CALN1: variants seen among roughly 807,000 people sequenced by gnomAD.
CALN1 encodes the protein calneuron 1, also known as calcium-binding protein 8.
A neutral mutation model predicts 30.6 loss-of-function variants in CALN1; 17 were observed. The observed-to-expected ratio is 0.56, with a 90% CI of 0.38 to 0.83. CALN1 has a LOEUF of 0.83. Among genes scored for constraint, CALN1 ranks in the 40% least tolerant of loss-of-function variants. The probability of loss-of-function intolerance (pLI) is 0.00; values close to 1 mark genes in which losing one functional copy is unlikely to be tolerated. For missense variants in CALN1, 291 were observed against 354.9 expected, an observed-to-expected ratio of 0.82 and a Z score of 1.45; for synonymous variants, 156 against 131.4, an observed-to-expected ratio of 1.19 and a Z score of -1.28.
rs73355321 is a variant in CALN1 at position 72,150,921 on chromosome 7, T to G, written c.245-44627A>C. On this transcript the variant is annotated intron_variant, in intron 3 of 6. Coordinates refer to ENST00000395275, the MANE Select transcript of CALN1 (RefSeq NM_031468.4). ...GATGATGATGGTGACGATGACACTG[T>G]TGTCATGAGCCTGCATCATGAGGCT... is the stretch of plus-strand genomic sequence containing the variant. 3.9e-3 allele frequency among the ~76,000 whole-genome samples: 537 copies of G among 138,784 alleles called. 7 individuals are homozygous for G. Among genetic ancestry groups the G allele is most frequent in the African/African-American group, 0.013 (510 of 39,270 alleles). 91.0% of individuals were successfully genotyped at this position (138,784 alleles called of 152,430 possible). A position where few individuals can be genotyped will look rare whatever the true frequency, so the allele number is the denominator to read the frequency against.
At chr7:71,970,690 G>A (rs956034850) in intron 5 of CALN1, among the ~76,000 whole-genome samples, 3 of 151,576 alleles carry the variant, frequency 2.0e-5, no homozygotes, top group African/African-American at 2.4e-5. Flanking sequence ...CTTCGTCCCC[G>A]CGCTTTAACA....
intron 3 of CALN1, among the ~76,000 whole-genome samples, chr7:72,149,789 G>A (rs1787077139): frequency 6.6e-6 from 1 of 152,022 alleles, no homozygotes; most frequent in African/African-American, 2.4e-5. Flanking sequence ...GGGCAGAAAG[G>A]ACCTGGTCAC....
intron 6 of CALN1, among the ~76,000 whole-genome samples, chr7:71,799,002 G>C (rs1199963060): frequency 6.6e-6 from 1 of 152,058 alleles, no homozygotes; most frequent in Non-Finnish European, 1.5e-5. Context: ...CAACAGCAAG[G>C]CTCCCACCCC....
chr7:72,283,731 T>C (rs1797886176), intron 2 of CALN1, among the ~76,000 whole-genome samples: 1 of 152,166 alleles, frequency 6.6e-6, no homozygotes, highest in African/African-American at 2.4e-5. Flanking sequence ...AGGGCAAGCT[T>C]CAGGGAGAGG....
chr7:72,391,845 C>A (rs1317164373), intron 2 of CALN1, among the ~76,000 whole-genome samples: 1 of 152,122 alleles, frequency 6.6e-6, no homozygotes, highest in Non-Finnish European at 1.5e-5. Flanking sequence ...GTATAAATTA[C>A]CCAGTCTCAG....
chr7:72,398,070 A>T (rs1403849679), intron 2 of CALN1, among the ~76,000 whole-genome samples: 5 of 152,162 alleles, frequency 3.3e-5, no homozygotes, highest in Non-Finnish European at 5.9e-5. Flanking sequence ...GCCATGATGG[A>T]AGCCCTTGGA....
At chr7:72,312,451 G>T (rs1019622717) in intron 2 of CALN1, among the ~76,000 whole-genome samples, 1 of 148,296 alleles carries the variant, frequency 6.7e-6, no homozygotes, top group South Asian at 2.1e-4. Flanking sequence ...GGATTTTGTT[G>T]TTCACCCCAT....
chr7:72,181,108 C>T (rs1279705582), intron 3 of CALN1, among the ~76,000 whole-genome samples: 5 of 112,548 alleles, frequency 4.4e-5, no homozygotes, highest in African/African-American at 1.7e-4. Flanking sequence ...CCCCCCCCCC[C>T]CCAAAAAAAA....
At chr7:71,878,677 T>C (rs1301334818) in intron 5 of CALN1, among the ~76,000 whole-genome samples, 1 of 152,098 alleles carries the variant, frequency 6.6e-6, no homozygotes, top group Non-Finnish European at 1.5e-5. Context: ...GGGAGGTCCT[T>C]GAAAACACAA....
chr7:71,833,750 C>T (rs564181462), intron 5 of CALN1, among the ~76,000 whole-genome samples: 54 of 151,898 alleles, frequency 3.6e-4, no homozygotes, highest in African/African-American at 1.3e-3. Flanking sequence ...ACCCCTGTGC[C>T]CCTCTAAAAA....
intron 5 of CALN1, among the ~76,000 whole-genome samples, chr7:72,003,458 G>C (rs556089909): frequency 4.6e-5 from 7 of 152,320 alleles, no homozygotes; most frequent in South Asian, 4.1e-4. Context: ...GCACAGCAGA[G>C]GGAGAACGGC....
At chr7:72,152,572 C>T (rs116794676) in intron 3 of CALN1, among the ~76,000 whole-genome samples, 271 of 152,204 alleles carry the variant, frequency 1.8e-3, no homozygotes, top group African/African-American at 5.9e-3. Context: ...ACAAGCCCAG[C>T]AATAGGAACA....
chr7:72,357,412 G>A (rs570322564), intron 2 of CALN1, among the ~76,000 whole-genome samples: 1 of 151,944 alleles, frequency 6.6e-6, no homozygotes, highest in South Asian at 2.1e-4. Flanking sequence ...GCTTTTTTAT[G>A]GTGAAACAAA....
At chr7:72,432,920 T>C (rs962002297) in intron 1 of CALN1, among the ~76,000 whole-genome samples, 1 of 152,180 alleles carries the variant, frequency 6.6e-6, no homozygotes, top group Non-Finnish European at 1.5e-5. Flanking sequence ...TACATATTCA[T>C]GTAATCGTGT....
intron 2 of CALN1, among the ~76,000 whole-genome samples, chr7:72,351,072 T>C (rs565245634): frequency 1.2e-4 from 18 of 151,642 alleles, no homozygotes; most frequent in East Asian, 3.9e-4. Context: ...ACCCGGGAGG[T>C]GGAGGTTGCA....
In CALN1 at chr7:72,271,575, A is replaced by AAAAAAT; in HGVS notation, c.244+7110_244+7111insATTTTT. On this transcript the variant is annotated intron_variant, in intron 3 of 6. Coordinates refer to ENST00000395275, the MANE Select transcript of CALN1 (RefSeq NM_031468.4). ...CTGTGCCTGCCTTTTAAAAAAAAAA[A>AAAAAAT]ATATATATATATATATATAGTTTTC... Among the ~76,000 whole-genome samples, 25 of 52,108 alleles carry AAAAAAT rather than the reference A, an allele frequency of 4.8e-4. No homozygotes were observed. In the South Asian group the frequency reaches 0.013, roughly 27 times the overall value. The allele number at this position is 52,108 out of a possible 152,430, so 34.2% of individuals were successfully genotyped here.
chr7:72,449,585 C>T (rs948017163), upstream of CALN1, among the ~76,000 whole-genome samples: 1 of 152,016 alleles, frequency 6.6e-6, no homozygotes, highest in Non-Finnish European at 1.5e-5. Context: ...AAAGAATCTG[C>T]CGTCAGGCTG....
At chr7:72,498,094 G>GTTAT in the CALN1 span, among the ~76,000 whole-genome samples, 1 of 152,058 alleles carries the variant, frequency 6.6e-6, no homozygotes, top group African/African-American at 2.4e-5. Flanking sequence ...GGAAAGAAAG[G>GTTAT]TTATTGATTT....
In CALN1 at chr7:72,109,277, C is replaced by T. The variant is rs528560488; in HGVS notation, c.245-2983G>A. ...CCAGGACCCTAGGCTCCCAGCCAGG[C>T]GTATTAGCTAATTAGGTCCACGGCC... On this transcript the variant is annotated intron_variant, in intron 3 of 6. Transcript: ENST00000395275. Among the ~76,000 whole-genome samples, 31 of 152,254 alleles carry T rather than the reference C, an allele frequency of 2.0e-4. No individual in the cohort carries two copies. The South Asian group carries it at 3.9e-3, about 19-fold the overall frequency.
Sources: allele counts gnomAD v4.1 joint callset (sites outside exome capture counted in the v4.1 genomes callset), GRCh38; gene constraint gnomAD v4.1.1; transcripts MANE v1.5; gene names NCBI Gene and HGNC (gene_info 2026-07-23, HGNC 2026-07-21).